SURF4: variants seen among roughly 807,000 people sequenced by gnomAD.
The protein encoded by SURF4 is surfeit 4.
A neutral mutation model predicts 30.0 loss-of-function variants in SURF4; 3 were observed. The observed-to-expected ratio is 0.10, with a 90% CI of 0.05 to 0.26. The LOEUF (loss-of-function observed/expected upper bound fraction) is 0.26, where lower values mean the gene tolerates loss of function less well. Among genes scored for constraint, SURF4 ranks in the 10% least tolerant of loss-of-function variants. The probability of loss-of-function intolerance (pLI) is 1.00; values close to 1 mark genes in which losing one functional copy is unlikely to be tolerated. For missense variants in SURF4, 217 were observed against 350.8 expected (o/e 0.62, Z 3.05); for synonymous variants, 143 against 139.9 (o/e 1.02, Z -0.16).
upstream of SURF4, among the ~76,000 whole-genome samples, chr9:133,377,374 G>A (rs991649368): frequency 6.6e-6 from 1 of 152,166 alleles, no homozygotes; most frequent in Non-Finnish European, 1.5e-5. Context: ...GCTTAGAACA[G>A]CAGTCCCTGG....
intron 4 of SURF4, among the ~76,000 whole-genome samples, chr9:133,365,632 T>C (rs1837124527): frequency 6.6e-6 from 1 of 152,202 alleles, no homozygotes; most frequent in South Asian, 2.1e-4. Context: ...TTTTTGAGTT[T>C]GTGTTGGGCC....
chr9:133,364,488 C>T (rs1052835585), intron 5 of SURF4, among the ~76,000 whole-genome samples: 2 of 152,028 alleles, frequency 1.3e-5, no homozygotes, highest in East Asian at 3.9e-4. Flanking sequence ...GTCAGGAGAT[C>T]GAGACCATCC....
At chr9:133,376,543 C>A, upstream of SURF4, 1 of 1,598,798 alleles carries the variant, frequency 6.3e-7, no homozygotes, top group Admixed American at 1.7e-5. Flanking sequence ...CCCCGGAGAG[C>A]CCATGGAGAA....
chr9:133,368,098 C>T (rs146419962), intron 1 of SURF4, among the ~76,000 whole-genome samples: 27 of 152,352 alleles, frequency 1.8e-4, no homozygotes, highest in Non-Finnish European at 3.1e-4. Flanking sequence ...TTAAACCCAG[C>T]GGGAAGGGGT....
intron 4 of SURF4, among the ~76,000 whole-genome samples, chr9:133,365,541 T>C (rs1426123147): frequency 6.6e-6 from 1 of 152,154 alleles, no homozygotes; most frequent in Non-Finnish European, 1.5e-5. Context: ...ACACATAAAA[T>C]ACACTAATGC....
chr9:133,367,748 T>C (rs1588712330), intron 1 of SURF4, among the ~76,000 whole-genome samples: 1 of 152,196 alleles, frequency 6.6e-6, no homozygotes, highest in African/African-American at 2.4e-5. Flanking sequence ...TACCGTGATT[T>C]CCCCCAGTGC....
At chr9:133,364,554 T>A (rs1260621629) in intron 5 of SURF4, among the ~76,000 whole-genome samples, 1 of 151,878 alleles carries the variant, frequency 6.6e-6, no homozygotes, top group Non-Finnish European at 1.5e-5. Context: ...TAGCCAGGCG[T>A]GTTGGCAGGC....
rs1009704820 is a variant in SURF4 at position 133,374,805 on chromosome 9, C to CT, written c.48+1116dup. Among the ~76,000 whole-genome samples the CT allele has an allele frequency of 2.1e-3, 308 of 149,626 alleles. 1 individual carries two copies. The highest frequency in any genetic ancestry group is 7.1e-3 in the African/African-American group (291 of 40,862). Reference sequence around the variant, plus strand: ...TCAGAAAACGGTCACTTACTCTTTTCTTTTTTTTTTAAACCACACATATAC... The same window carrying CT: ...TCAGAAAACGGTCACTTACTCTTTTCTTTTTTTTTTTAAACCACACATATAC... On this transcript the variant is annotated intron_variant, in intron 1 of 5. Transcript: ENST00000371989.
At chr9:133,377,578 G>A (rs960245733), upstream of SURF4, among the ~76,000 whole-genome samples, 1 of 152,144 alleles carries the variant, frequency 6.6e-6, no homozygotes, top group East Asian at 1.9e-4. Flanking sequence ...CTGGAGAATC[G>A]CTTGAACCCA....
intron 2 of SURF4, among the ~76,000 whole-genome samples, chr9:133,366,918 A>C (rs2130134413): frequency 1.3e-5 from 2 of 152,316 alleles, no homozygotes; most frequent in South Asian, 4.1e-4. Flanking sequence ...TGTTTCCCAC[A>C]ATCAGCTCCC....
intron 1 of SURF4, among the ~76,000 whole-genome samples, chr9:133,374,815 T>C (rs2130229475): frequency 1.3e-5 from 2 of 152,130 alleles, no homozygotes; most frequent in South Asian, 4.1e-4. Context: ...CTTTTTTTTT[T>C]AAACCACACA....
intron 4 of SURF4, 36 bp from the exon 5 acceptor site, chr9:133,365,062 C>T: frequency 2.7e-6 from 4 of 1,485,756 alleles, no homozygotes; most frequent in Non-Finnish European, 3.6e-6. Flanking sequence ...AGCTAAGCCT[C>T]ACCAGGATCT....
intron 1 of SURF4, chr9:133,375,454 C>G: frequency 1.0e-6 from 1 of 979,046 alleles, no homozygotes; most frequent in Non-Finnish European, 1.2e-6. Flanking sequence ...AGCGCGCCCC[C>G]TTTCCTCTGG....
Position 133,363,994 on chromosome 9 carries a change from T to C in SURF4, c.544-235A>G. 1 of 708,282 alleles carries C rather than the reference T, an allele frequency of 1.4e-6. No homozygotes were observed. Among genetic ancestry groups the C allele is most frequent in the South Asian group, 1.5e-5 (1 of 65,922 alleles). The allele number at this position is 708,282 out of a possible 1,614,324, so 43.9% of individuals were successfully genotyped here. A position where few individuals can be genotyped will look rare whatever the true frequency, so the allele number is the denominator to read the frequency against. ...GGGGAAGACTGAAGTTCCCAACTAGTAACAGGCTGTGATTTACCAAGATGA... is the reference window on the plus strand; with the variant it reads ...GGGGAAGACTGAAGTTCCCAACTAGCAACAGGCTGTGATTTACCAAGATGA... On this transcript the variant is annotated intron_variant, in intron 5 of 5. Coordinates refer to ENST00000371989, the MANE Select transcript of SURF4 (RefSeq NM_033161.4). This position sits in a 1 kb window ranked among gnomAD's most constrained non-coding sequence, Gnocchi z 4.3.
chr9:133,376,616 C>G, upstream of SURF4: 22 of 1,451,440 alleles, frequency 1.5e-5, no homozygotes, highest in Non-Finnish European at 2.0e-5. Flanking sequence ...GGTCGCAACC[C>G]TGGAGCTACG....
upstream of SURF4, among the ~76,000 whole-genome samples, chr9:133,377,303 T>C (rs1838003110): frequency 6.6e-6 from 1 of 152,186 alleles, no homozygotes; most frequent in Admixed American, 6.5e-5. Context: ...TCCATTTTAC[T>C]GTTTAATTTG....
chr9:133,374,214 T>TTTCTTGAACTGACAAAC (rs1837708013), intron 1 of SURF4, among the ~76,000 whole-genome samples: 1 of 152,080 alleles, frequency 6.6e-6, no homozygotes, highest in South Asian at 2.1e-4. Flanking sequence ...ACCTAAAAGG[T>TTTCTTGAACTGACAAAC]CTACCTGGTT....
rs2119105189 is a variant in SURF4, at chr9:133,361,895, C to T, written c.*1598G>A. 1 of 152,248 alleles carries T rather than the reference C, an allele frequency of 6.6e-6. No individual in the cohort carries two copies. Among genetic ancestry groups the T allele is most frequent in the South Asian group, 2.1e-4 (1 of 4,820 alleles). 9.4% of individuals were successfully genotyped at this position (152,248 alleles called of 1,614,324 possible). A position where few individuals can be genotyped will look rare whatever the true frequency, so the allele number is the denominator to read the frequency against. On this transcript the variant is annotated 3_prime_UTR_variant, in exon 6 of 6. Transcript: ENST00000371989. ...AGCGAGGTGTGGACCAAGAGACAGC[C>T]CTGGTGAGGTTGAAACACTGAGACA...
rs145323832 is a variant in SURF4 at position 133,371,182 on chromosome 9, G to A, written c.49-3737C>T. The A allele has an allele frequency of 9.7e-4, 935 of 962,704 alleles. 10 individuals carry two copies. The African/African-American group carries it at 0.015, about 15-fold the overall frequency. 59.6% of individuals were successfully genotyped at this position (962,704 alleles called of 1,614,324 possible). ...ATTGAGGAAAGCAGCTTGCAAATTC[G>A]TGGTGAATGTGAACATCGACGAAAA... On this transcript the variant is annotated intron_variant, in intron 1 of 5. Coordinates refer to ENST00000371989, the MANE Select transcript of SURF4 (RefSeq NM_033161.4).
Sources: allele counts gnomAD v4.1 joint callset (sites outside exome capture counted in the v4.1 genomes callset), GRCh38; gene constraint gnomAD v4.1.1; non-coding constraint Gnocchi (gnomAD v3.1); transcripts MANE v1.5; gene names NCBI Gene and HGNC (gene_info 2026-07-23, HGNC 2026-07-21).